CATSPERB: variants seen among roughly 807,000 people sequenced by gnomAD.
The protein encoded by CATSPERB is catsper channel auxiliary subunit beta.
In CATSPERB, 93 loss-of-function variants were observed where a neutral mutation model predicts 128.3. That is an observed-to-expected ratio of 0.72 (90% CI 0.61 to 0.86). CATSPERB has a LOEUF of 0.86. Ranked by LOEUF, CATSPERB falls within the 40% of genes least tolerant of loss-of-function variation. The pLI, the probability that CATSPERB is intolerant of heterozygous loss-of-function variation, is 0.00. For missense variants in CATSPERB, 1,153 were observed against 1,329.5 expected, an observed-to-expected ratio of 0.87 and a Z score of 2.06; for synonymous variants, 381 against 448.8, an observed-to-expected ratio of 0.85 and a Z score of 1.91.
intron 25 of CATSPERB, 46 bp downstream of exon 25, chr14:91,587,932 G>T: frequency 8.2e-7 from 1 of 1,219,358 alleles, no homozygotes; most frequent in Non-Finnish European, 1.2e-6. Context: ...AGACATACAT[G>T]TTTTATCTAA....
At chr14:91,625,953 T>C (rs1290499335) in intron 17 of CATSPERB, among the ~76,000 whole-genome samples, 1 of 152,084 alleles carries the variant, frequency 6.6e-6, no homozygotes, top group South Asian at 2.1e-4. Context: ...GGTGAAACCC[T>C]ATCTTTACTA....
rs1396623997 is a variant in CATSPERB at position 91,653,013 on chromosome 14, G to A, written c.1432+6824C>T. Reference sequence around the variant, plus strand: ...GTGGTCTGTCCTTATTCTCAAACAAGGAAGGACCAATAGAGGAGATTGTAT... The same window carrying A: ...GTGGTCTGTCCTTATTCTCAAACAAAGAAGGACCAATAGAGGAGATTGTAT... On this transcript the variant is annotated intron_variant, in intron 15 of 26. Coordinates refer to ENST00000256343, the MANE Select transcript of CATSPERB (RefSeq NM_024764.4). Among the ~76,000 whole-genome samples, 4 of 152,150 alleles carry A rather than the reference G, an allele frequency of 2.6e-5. No individual in the cohort carries two copies. The East Asian group carries it at 7.7e-4, about 29-fold the overall frequency.
intron 12 of CATSPERB, among the ~76,000 whole-genome samples, chr14:91,673,968 G>A (rs1459200210): frequency 1.4e-4 from 22 of 152,108 alleles, no homozygotes; most frequent in Admixed American, 6.5e-5. Context: ...TTTCTGGTAC[G>A]AATTGTTTTT....
chr14:91,673,012 C>A lies in CATSPERB; in HGVS notation c.983G>T (p.Ser328Ile). The change falls in exon 13 of 27, where the codon AGC (serine) becomes ATC (isoleucine). Residue 328 changes from serine to isoleucine, a missense_variant. Coordinates refer to ENST00000256343, the MANE Select transcript of CATSPERB (RefSeq NM_024764.4). ...FERNRTLSES[S>I]SCFYSQEPFL... ...TGGTTCCTGACTATAAAAACAAGAGCTTGACTATAAAAAAAAGAAGGGAAA... is the reference window on the plus strand; with the variant it reads ...TGGTTCCTGACTATAAAAACAAGAGATTGACTATAAAAAAAAGAAGGGAAA... The A allele has an allele frequency of 1.3e-6, 2 of 1,569,510 alleles. No homozygotes were observed. Among genetic ancestry groups the A allele is most frequent in the Non-Finnish European group, 1.7e-6 (2 of 1,169,058 alleles).
chr14:91,707,269 GC>G (rs1224680981), intron 6 of CATSPERB, among the ~76,000 whole-genome samples: 1 of 152,094 alleles, frequency 6.6e-6, no homozygotes, highest in Non-Finnish European at 1.5e-5. Context: ...AATTTGTGAA[GC>G]TTTTTGCTGC....
chr14:91,587,348 A>G, intron 25 of CATSPERB, 72 bp from the exon 26 acceptor site: 6 of 1,113,652 alleles, frequency 5.4e-6, no homozygotes, highest in Non-Finnish European at 7.7e-6. Flanking sequence ...ATAAAAATAT[A>G]CCCTGGGGCC....
chr14:91,592,023 T>C (rs776651161), intron 22 of CATSPERB, 21 bp from the exon 23 acceptor site: 4 of 1,484,418 alleles, frequency 2.7e-6, no homozygotes, highest in Middle Eastern at 1.7e-4. Flanking sequence ...AAGTAACAGA[T>C]GTTGACTTGT....
At chr14:91,654,403 G>A (rs1894754590) in intron 15 of CATSPERB, among the ~76,000 whole-genome samples, 1 of 152,196 alleles carries the variant, frequency 6.6e-6, no homozygotes. Flanking sequence ...TCCAGGACTG[G>A]CAGCATTCAC....
chr14:91,705,030 C>T (rs187378403), intron 6 of CATSPERB, among the ~76,000 whole-genome samples: 94 of 152,092 alleles, frequency 6.2e-4, no homozygotes, highest in Middle Eastern at 3.4e-3. Context: ...TCACAGAATA[C>T]GCACATTTAT....
At chr14:91,636,338 G>A in intron 17 of CATSPERB, 87 bp downstream of exon 17, 1 of 1,245,322 alleles carries the variant, frequency 8.0e-7, no homozygotes, top group Admixed American at 1.9e-5. Flanking sequence ...ACTCCAGCCT[G>A]GATGACAGAG....
chr14:91,695,211 C>A (rs1895542316), intron 7 of CATSPERB, among the ~76,000 whole-genome samples: 1 of 151,128 alleles, frequency 6.6e-6, no homozygotes, highest in East Asian at 1.9e-4. Flanking sequence ...CTCACTGCAA[C>A]CTTCGCCTCC....
In CATSPERB at chr14:91,591,997, G is replaced by T; in HGVS notation, c.2715C>A (p.Thr905=). ...PRNMFHMSKK[T]GKFKQCANVS... is the part of the protein sequence containing the mutation. Reference sequence around the variant, plus strand: ...CATTAGCACACTGTTTGAATTTACCGGTTTTCTGCAAATAGAAGTAACAGA... The same window carrying T: ...CATTAGCACACTGTTTGAATTTACCTGTTTTCTGCAAATAGAAGTAACAGA... The change falls in exon 23 of 27, where the codon ACC becomes ACA. Residue 905 remains threonine (T), a synonymous_variant. Transcript: ENST00000256343. 2 of 1,608,828 alleles carry T rather than the reference G, an allele frequency of 1.2e-6. No homozygotes were observed. The highest frequency in any genetic ancestry group is 1.7e-6 in the Non-Finnish European group (2 of 1,175,614).
chr14:91,614,310 G>C (rs1351110336), intron 20 of CATSPERB, among the ~76,000 whole-genome samples: 3 of 151,844 alleles, frequency 2.0e-5, no homozygotes, highest in African/African-American at 7.3e-5. Context: ...TTTATCCTCT[G>C]TTCTGAACCT....
At chr14:91,654,852 G>A (rs769157768) in intron 15 of CATSPERB, among the ~76,000 whole-genome samples, 7 of 152,190 alleles carry the variant, frequency 4.6e-5, no homozygotes, top group Non-Finnish European at 7.4e-5. Context: ...TAGTGGTGGT[G>A]GCTACAAGGG....
chr14:91,605,110 G>T (rs766500777), intron 22 of CATSPERB: 6 of 1,254,088 alleles, frequency 4.8e-6, no homozygotes, highest in Non-Finnish European at 5.9e-6. Context: ...CTTTGGGAGG[G>T]GTGGAAGAAT....
At position 91,713,136 on chromosome 14, in the gene CATSPERB, T is replaced by C. The variant is rs571815219; in HGVS notation, c.371-4900A>G. ...TTACACTACTTCAACTATACCACTG[T>C]AGCATAAAAGCAGCCATAGAAGACA... On this transcript the variant is annotated intron_variant, in intron 5 of 26. Transcript: ENST00000256343. Among the ~76,000 whole-genome samples the C allele has an allele frequency of 5.7e-4, 87 of 152,294 alleles. 1 individual carries two copies. In the South Asian group the frequency reaches 0.017, roughly 30 times the overall value.
intron 12 of CATSPERB, among the ~76,000 whole-genome samples, chr14:91,673,444 C>G (rs1235298105): frequency 6.6e-6 from 1 of 152,180 alleles, no homozygotes; most frequent in Non-Finnish European, 1.5e-5. Context: ...TTAAAGCCTT[C>G]TCCCTGGCAA....
At chr14:91,708,335 C>T (rs920832905) in intron 5 of CATSPERB, 99 bp from the exon 6 acceptor site, 13 of 692,460 alleles carry the variant, frequency 1.9e-5, no homozygotes, top group Non-Finnish European at 2.9e-5. Context: ...GATAGCCTTT[C>T]CTTTTCCAAC....
chr14:91,668,627 C>T (rs574493575), intron 14 of CATSPERB, among the ~76,000 whole-genome samples: 14 of 152,356 alleles, frequency 9.2e-5, no homozygotes, highest in South Asian at 6.2e-4. Context: ...GCTGCTCACT[C>T]GTGGTCCACA....
Sources: allele counts gnomAD v4.1 joint callset (sites outside exome capture counted in the v4.1 genomes callset), GRCh38; gene constraint gnomAD v4.1.1; transcripts MANE v1.5; gene names NCBI Gene and HGNC (gene_info 2026-07-23, HGNC 2026-07-21).